The following DCC variants were observed in gnomAD, a reference collection of about 807,000 sequenced individuals.
The protein encoded by DCC is netrin receptor DCC.
Under a neutral mutation model 172.5 loss-of-function variants are expected in DCC, and 58 were observed. That is an observed-to-expected ratio of 0.34 (90% CI 0.27 to 0.42). DCC has a LOEUF of 0.42. Ranked by LOEUF, DCC falls within the 10% of genes least tolerant of loss-of-function variation. The pLI, the probability that DCC is intolerant of heterozygous loss-of-function variation, is 1.00. For missense variants in DCC, 1,740 were observed against 1,791.0 expected, an observed-to-expected ratio of 0.97 and a Z score of 0.51; for synonymous variants, 709 against 644.5, an observed-to-expected ratio of 1.10 and a Z score of -1.52.
At chr18:52,478,869 G>A (rs1022417172) in intron 1 of DCC, among the ~76,000 whole-genome samples, 2 of 152,070 alleles carry the variant, frequency 1.3e-5, no homozygotes, top group African/African-American at 4.8e-5. Context: ...TCCAACATTG[G>A]GGATTACCAT....
chr18:53,427,315 T>C (rs1019142771), intron 21 of DCC, among the ~76,000 whole-genome samples: 1 of 152,078 alleles, frequency 6.6e-6, no homozygotes, highest in Non-Finnish European at 1.5e-5. Context: ...TAGAGGCAAG[T>C]GTGCATAAAA....
At chr18:53,371,550 G>A (rs2144958178) in intron 15 of DCC, among the ~76,000 whole-genome samples, 1 of 151,930 alleles carries the variant, frequency 6.6e-6, no homozygotes. Flanking sequence ...GTTCTTGCAG[G>A]TTTTTAAAAG....
chr18:52,591,056 A>G (rs1170699573), intron 1 of DCC, among the ~76,000 whole-genome samples: 2 of 152,198 alleles, frequency 1.3e-5, no homozygotes, highest in South Asian at 2.1e-4. Context: ...ACACTGCCAA[A>G]TAAAAATTTT....
At chr18:53,113,268 G>T (rs1034718160) in intron 7 of DCC, among the ~76,000 whole-genome samples, 14 of 151,342 alleles carry the variant, frequency 9.3e-5, no homozygotes, top group African/African-American at 2.9e-4. Flanking sequence ...GAGGCTGCTC[G>T]GTAAATAAAC....
intron 21 of DCC, among the ~76,000 whole-genome samples, chr18:53,431,252 T>G (rs527646610): frequency 1.4e-5 from 2 of 146,080 alleles, no homozygotes; most frequent in Admixed American, 7.0e-5. Flanking sequence ...AATCATTTGC[T>G]TTTATTATCA....
At chr18:52,409,503 G>T (rs968799563) in intron 1 of DCC, among the ~76,000 whole-genome samples, 2 of 152,080 alleles carry the variant, frequency 1.3e-5, no homozygotes, top group South Asian at 2.1e-4. Context: ...CCCTTCGAAA[G>T]GCTACCTGCC....
intron 1 of DCC, among the ~76,000 whole-genome samples, chr18:52,718,867 T>C (rs998178757): frequency 3.3e-5 from 5 of 152,212 alleles, no homozygotes; most frequent in African/African-American, 7.2e-5. Flanking sequence ...GCAATCCTTT[T>C]AGGACACTTG....
At chr18:52,578,774 G>A (rs1363553109) in intron 1 of DCC, among the ~76,000 whole-genome samples, 1 of 152,164 alleles carries the variant, frequency 6.6e-6, no homozygotes, top group Non-Finnish European at 1.5e-5. Context: ...ACCGAGGTGG[G>A]TGGATCACGA....
chr18:52,595,814 CA>C (rs1305176795), intron 1 of DCC, among the ~76,000 whole-genome samples: 1 of 150,104 alleles, frequency 6.7e-6, no homozygotes, highest in Non-Finnish European at 1.5e-5. Flanking sequence ...CTGAACTTTA[CA>C]TACATGTAAA....
chr18:52,841,645 A>C (rs779205266), intron 2 of DCC, among the ~76,000 whole-genome samples: 4 of 152,146 alleles, frequency 2.6e-5, no homozygotes, highest in Non-Finnish European at 5.9e-5. Flanking sequence ...GAAAAAAAAT[A>C]GGTTCACTGG....
At chr18:53,527,535 G>T (rs1465753233) in intron 28 of DCC, among the ~76,000 whole-genome samples, 2 of 151,684 alleles carry the variant, frequency 1.3e-5, no homozygotes, top group African/African-American at 2.4e-5. Flanking sequence ...AAAATTGAAG[G>T]AGTTTAAGTA....
chr18:53,096,279 C>A (rs1463999022), intron 7 of DCC, among the ~76,000 whole-genome samples: 1 of 152,140 alleles, frequency 6.6e-6, no homozygotes, highest in Non-Finnish European at 1.5e-5. Flanking sequence ...CCCAAGGTTA[C>A]AGCGAGCTAT....
intron 12 of DCC, among the ~76,000 whole-genome samples, chr18:53,228,970 G>C (rs756630366): frequency 2.0e-5 from 3 of 152,050 alleles, no homozygotes; most frequent in Non-Finnish European, 4.4e-5. Context: ...GGTTGAAAAT[G>C]TATGTCCAGC....
intron 5 of DCC, among the ~76,000 whole-genome samples, chr18:52,969,798 G>A (rs2040999991): frequency 6.6e-6 from 1 of 152,090 alleles, no homozygotes; most frequent in Non-Finnish European, 1.5e-5. Flanking sequence ...ATCCCTGCCA[G>A]CCTTCCTAGC....
intron 2 of DCC, among the ~76,000 whole-genome samples, chr18:52,849,743 C>T (rs1449213162): frequency 6.6e-6 from 1 of 152,126 alleles, no homozygotes; most frequent in Non-Finnish European, 1.5e-5. Flanking sequence ...ATCTAGCATA[C>T]AATTTCATAA....
chr18:52,680,048 T>G (rs2035718376), intron 1 of DCC, among the ~76,000 whole-genome samples: 1 of 152,116 alleles, frequency 6.6e-6, no homozygotes, highest in Admixed American at 6.6e-5. Context: ...ACATGTATTA[T>G]GTGGAAGTAT....
intron 7 of DCC, among the ~76,000 whole-genome samples, chr18:53,143,404 A>T (rs2043859869): frequency 6.6e-6 from 1 of 152,206 alleles, no homozygotes; most frequent in African/African-American, 2.4e-5. Context: ...GTTTAAGAAT[A>T]AAACTCTTAC....
At chr18:52,436,868 C>T (rs111537668) in intron 1 of DCC, among the ~76,000 whole-genome samples, 3 of 152,096 alleles carry the variant, frequency 2.0e-5, no homozygotes, top group African/African-American at 4.8e-5. Flanking sequence ...TTCAGTGAGC[C>T]GAGATCATGC....
In DCC at chr18:53,307,893, GTATGTATATATATATATATATATA is replaced by G. The variant is rs1457261791; in HGVS notation, c.2053+2178_2053+2201del. Reference sequence around the variant, plus strand: ...AACCCTTCTGGAAAGCAATGTGTGTGTATGTATATATATATATATATATATATATATATATATATATATATATAT... The same window carrying G: ...AACCCTTCTGGAAAGCAATGTGTGTGTATATATATATATATATATATATAT... On this transcript the variant is annotated intron_variant, in intron 13 of 28. Transcript: ENST00000442544. Among the ~76,000 whole-genome samples the G allele has an allele frequency of 1.8e-3, 177 of 97,528 alleles. 9 individuals carry two copies. The Middle Eastern group carries it at 0.029, about 16-fold the overall frequency. The allele number at this position is 97,528 out of a possible 152,430, so 64.0% of individuals were successfully genotyped here. A position where few individuals can be genotyped will look rare whatever the true frequency, so the allele number is the denominator to read the frequency against.
Sources: gnomAD v4.1 joint callset for allele counts (sites outside exome capture counted in the v4.1 genomes callset) on GRCh38, gnomAD v4.1.1 for gene constraint, MANE v1.5 for transcripts, NCBI Gene and HGNC (gene_info 2026-07-23, HGNC 2026-07-21) for gene names.